The following B3GALT1 variants were observed in gnomAD, a reference collection of about 807,000 sequenced individuals.
B3GALT1 encodes the protein UDP-Gal:betaGlcNAc beta 1,3-galactosyltransferase, polypeptide 1.
Under a neutral mutation model 23.2 loss-of-function variants are expected in B3GALT1, and 10 were observed. That is an observed-to-expected ratio of 0.43 (90% CI 0.27 to 0.73). The LOEUF (loss-of-function observed/expected upper bound fraction) is 0.73. Ranked by LOEUF, B3GALT1 falls within the 30% of genes least tolerant of loss-of-function variation. The pLI, the probability that B3GALT1 is intolerant of heterozygous loss-of-function variation, is 0.21. For missense variants in B3GALT1, 299 were observed against 405.4 expected, an observed-to-expected ratio of 0.74 and a Z score of 2.25; for synonymous variants, 156 against 141.5, an observed-to-expected ratio of 1.10 and a Z score of -0.73.
intron 2 of B3GALT1, among the ~76,000 whole-genome samples, chr2:167,533,088 T>C (rs989271327): frequency 6.6e-6 from 1 of 151,256 alleles, no homozygotes; most frequent in Non-Finnish European, 1.5e-5. Flanking sequence ...CTCGAACACT[T>C]GACATCAGGT....
In B3GALT1 at chr2:167,337,966, A is replaced by T. The variant is rs72886335; in HGVS notation, c.-511+44632A>T. 9.7e-3 allele frequency among the ~76,000 whole-genome samples: 1,476 copies of T among 152,244 alleles called. 11 individuals are homozygous for T. Among genetic ancestry groups the T allele is most frequent in the Non-Finnish European group, 0.013 (912 of 67,994 alleles). ...TATATTGCCTTCCCTTCACTGACAC[A>T]TGGGAACAGCTCTGAAAACCAAGTG... On this transcript the variant is annotated intron_variant, in intron 1 of 4. Coordinates refer to ENST00000392690, the MANE Select transcript of B3GALT1 (RefSeq NM_020981.4).
chr2:167,347,127 G>A (rs1697233075), intron 1 of B3GALT1, among the ~76,000 whole-genome samples: 1 of 152,030 alleles, frequency 6.6e-6, no homozygotes. Flanking sequence ...ACTAATAATT[G>A]TTCTAATCTT....
chr2:167,397,220 C>G (rs557780534), intron 1 of B3GALT1, among the ~76,000 whole-genome samples: 1 of 151,840 alleles, frequency 6.6e-6, no homozygotes, highest in Non-Finnish European at 1.5e-5. Context: ...TCTTCCCTCT[C>G]TCTCCTTCCT....
intron 1 of B3GALT1, among the ~76,000 whole-genome samples, chr2:167,341,258 A>G (rs1438661585): frequency 2.0e-5 from 3 of 152,242 alleles, no homozygotes; most frequent in Non-Finnish European, 2.9e-5. Context: ...TCCAGGCTTC[A>G]GTGAGATGTG....
intron 1 of B3GALT1, among the ~76,000 whole-genome samples, chr2:167,388,205 G>A (rs187008161): frequency 1.6e-3 from 238 of 152,268 alleles, no homozygotes; most frequent in Non-Finnish European, 2.6e-3. Flanking sequence ...ATCCCTTAAA[G>A]GGAGAATGAA....
intron 2 of B3GALT1, among the ~76,000 whole-genome samples, chr2:167,579,373 C>T (rs1448322361): frequency 6.8e-6 from 1 of 147,058 alleles, no homozygotes; most frequent in East Asian, 2.0e-4. Flanking sequence ...GTTCTCAATT[C>T]TAACTACACA....
chr2:167,670,339 A>G (rs1010815413), intron 3 of B3GALT1, among the ~76,000 whole-genome samples: 1 of 152,214 alleles, frequency 6.6e-6, no homozygotes, highest in African/African-American at 2.4e-5. Context: ...AGGAGAGTAG[A>G]GTAGGCACAC....
At chr2:167,611,881 G>C (rs997924799) in intron 2 of B3GALT1, among the ~76,000 whole-genome samples, 3 of 151,874 alleles carry the variant, frequency 2.0e-5, no homozygotes, top group African/African-American at 7.3e-5. Flanking sequence ...CAGACATCCA[G>C]ACTCAAAAAT....
At chr2:167,863,740 A>G (rs1690151444) in intron 4 of B3GALT1, among the ~76,000 whole-genome samples, 1 of 152,176 alleles carries the variant, frequency 6.6e-6, no homozygotes, top group African/African-American at 2.4e-5. Flanking sequence ...CTGTTTGGTT[A>G]TAAGCAAAAA....
chr2:167,308,147 G>A (rs186112496), intron 1 of B3GALT1, among the ~76,000 whole-genome samples: 1 of 151,878 alleles, frequency 6.6e-6, no homozygotes, highest in Non-Finnish European at 1.5e-5. Flanking sequence ...AAAACCTTAG[G>A]CAGTAGATGT....
chr2:167,583,579 A>C (rs1263375124), intron 2 of B3GALT1, among the ~76,000 whole-genome samples: 1 of 152,208 alleles, frequency 6.6e-6, no homozygotes, highest in Non-Finnish European at 1.5e-5. Context: ...ATCTCAGACT[A>C]ATATGCATTT....
chr2:167,459,424 T>G (rs1468435260), intron 1 of B3GALT1, among the ~76,000 whole-genome samples: 1 of 152,176 alleles, frequency 6.6e-6, no homozygotes, highest in Non-Finnish European at 1.5e-5. Flanking sequence ...CTTTTCCTGT[T>G]GTTGATGTCA....
rs538664349 is a variant in B3GALT1, at chr2:167,820,955, A to C, written c.-230+2162A>C. On this transcript the variant is annotated intron_variant, in intron 4 of 4. Coordinates refer to ENST00000392690, the MANE Select transcript of B3GALT1 (RefSeq NM_020981.4). ...CTAAATGCTTTTGATTTGTTTACAC[A>C]AATCAAACTCTCATATTTTATCTCT... is the stretch of plus-strand genomic sequence containing the variant. 4.8e-4 allele frequency among the ~76,000 whole-genome samples: 73 copies of C among 152,354 alleles called. 1 individual carries two copies. Among genetic ancestry groups the C allele is most frequent in the Middle Eastern group, 3.4e-3 (1 of 294 alleles).
At chr2:167,724,611 G>A (rs1269569380) in intron 3 of B3GALT1, among the ~76,000 whole-genome samples, 3 of 152,040 alleles carry the variant, frequency 2.0e-5, no homozygotes, top group Non-Finnish European at 4.4e-5. Context: ...AGCTGATAAT[G>A]TTAACATCTT....
At chr2:167,296,624 T>C (rs1696353649) in intron 1 of B3GALT1, among the ~76,000 whole-genome samples, 1 of 152,206 alleles carries the variant, frequency 6.6e-6, no homozygotes, top group Non-Finnish European at 1.5e-5. Flanking sequence ...AATATTCTCG[T>C]TCTCTTTACT....
rs144255096 is a variant in B3GALT1 at position 167,443,668 on chromosome 2, T to G, written c.-510-46509T>G. ...GGAGTTCACTCATGATTTGGCTCTCTGTCTGTTATGGGTATATAGGAATGT... is the reference window on the plus strand; with the variant it reads ...GGAGTTCACTCATGATTTGGCTCTCGGTCTGTTATGGGTATATAGGAATGT... On this transcript the variant is annotated intron_variant, in intron 1 of 4. Coordinates refer to ENST00000392690, the MANE Select transcript of B3GALT1 (RefSeq NM_020981.4). Among the ~76,000 whole-genome samples, 606 of 152,332 alleles carry G rather than the reference T, an allele frequency of 4.0e-3. 4 individuals carry two copies. Among genetic ancestry groups the G allele is most frequent in the South Asian group, 0.014 (67 of 4,826 alleles).
intron 3 of B3GALT1, among the ~76,000 whole-genome samples, chr2:167,663,655 A>G (rs906774486): frequency 3.7e-4 from 55 of 149,544 alleles, no homozygotes; most frequent in African/African-American, 1.3e-3. Flanking sequence ...TTGCCATTCT[A>G]ACTGTTGTGA....
chr2:167,340,313 GAAAA>G (rs773710953), intron 1 of B3GALT1, among the ~76,000 whole-genome samples: 3 of 87,394 alleles, frequency 3.4e-5, no homozygotes, highest in East Asian at 8.1e-4. Flanking sequence ...GGTACAGGGA[GAAAA>G]AAAAAAAAAA....
At chr2:167,662,352 G>C (rs917102610) in intron 3 of B3GALT1, among the ~76,000 whole-genome samples, 1 of 152,024 alleles carries the variant, frequency 6.6e-6, no homozygotes, top group African/African-American at 2.4e-5. Flanking sequence ...AGCAGCTTTA[G>C]TTTCACAGCA....
Sources: gnomAD v4.1 joint callset for allele counts (sites outside exome capture counted in the v4.1 genomes callset) on GRCh38, gnomAD v4.1.1 for gene constraint, MANE v1.5 for transcripts, NCBI Gene and HGNC (gene_info 2026-07-23, HGNC 2026-07-21) for gene names.